The following TMEM8B variants were observed in gnomAD, a reference collection of about 807,000 sequenced individuals.
TMEM8B encodes nasopharyngeal carcinoma expressed 6.
In TMEM8B, 29 loss-of-function variants were observed where a neutral mutation model predicts 49.3. That is an observed-to-expected ratio of 0.59 (90% CI 0.44 to 0.80). The LOEUF is 0.80. Among genes scored for constraint, TMEM8B ranks in the 30% least tolerant of loss-of-function variants. The probability of loss-of-function intolerance (pLI) is 0.00; values close to 1 mark genes in which losing one functional copy is unlikely to be tolerated. For missense variants in TMEM8B, 575 were observed against 658.5 expected (o/e 0.87, Z 1.39); for synonymous variants, 264 against 272.8 (o/e 0.97, Z 0.32).
chr9:35,845,875 G>C (rs761270912), intron 6 of TMEM8B, 100 bp from the exon 7 acceptor site: 15 of 1,601,622 alleles, frequency 9.4e-6, no homozygotes, highest in Non-Finnish European at 1.3e-5. Context: ...GGAATGGGCT[G>C]TCCTTGGAAG....
At position 35,852,701 on chromosome 9, in the gene TMEM8B, C is replaced by T. The variant is rs972396469; in HGVS notation, c.2176-126C>T. The T allele has an allele frequency of 1.6e-5, 18 of 1,117,908 alleles. No individual in the cohort carries two copies. The African/African-American group carries it at 2.5e-4, about 15-fold the overall frequency. 69.2% of individuals were successfully genotyped at this position (1,117,908 alleles called of 1,614,324 possible). On this transcript the variant is annotated intron_variant, in intron 10 of 12. Coordinates refer to ENST00000643932, the MANE Select transcript of TMEM8B (RefSeq NM_001042590.4). ...GGGAGTCAGGCATTTCCCAGATCTT[C>T]TCATCTGTGACCTTTCACCTCTGCT...
intron 1 of TMEM8B, among the ~76,000 whole-genome samples, chr9:35,830,261 C>T (rs535576484): frequency 7.9e-5 from 12 of 152,258 alleles, no homozygotes; most frequent in African/African-American, 2.9e-4. Flanking sequence ...GGCTTTGCTC[C>T]TGCTCACAAA....
intron 10 of TMEM8B, 70 bp from the exon 11 acceptor site, chr9:35,852,757 C>T (rs555657099): frequency 1.3e-5 from 21 of 1,593,030 alleles, no homozygotes; most frequent in African/African-American, 4.0e-5. Context: ...CCCCTGGGCC[C>T]ACCCCTCCGG....
At chr9:35,847,718 G>A (rs961852846) in intron 10 of TMEM8B, among the ~76,000 whole-genome samples, 3 of 152,162 alleles carry the variant, frequency 2.0e-5, no homozygotes, top group African/African-American at 7.2e-5. Flanking sequence ...TTTTGATGAA[G>A]ATTAATATAG....
rs150304334 is a variant in TMEM8B, at chr9:35,851,384, A to T, written c.2176-1443A>T. Reference sequence around the variant, plus strand: ...GGTCTTTAACTCCTGGGCTCAAGTGATCTGCCCACCTCATCCTCCCAAAGT... The same window carrying T: ...GGTCTTTAACTCCTGGGCTCAAGTGTTCTGCCCACCTCATCCTCCCAAAGT... On this transcript the variant is annotated intron_variant, in intron 10 of 12. Coordinates refer to ENST00000643932, the MANE Select transcript of TMEM8B (RefSeq NM_001042590.4). 7.2e-3 allele frequency among the ~76,000 whole-genome samples: 1,095 copies of T among 152,286 alleles called. 12 individuals are homozygous for T. The highest frequency in any genetic ancestry group is 0.025 in the African/African-American group (1,026 of 41,564).
rs1206224778 is a variant in TMEM8B, at chr9:35,855,943, A to T, written c.*2103A>T. Reference sequence around the variant, plus strand: ...CATCAGAAATACCACATTAAGACGTATAGAGCCAGGTCACTGGGATGCTTG... The same window carrying T: ...CATCAGAAATACCACATTAAGACGTTTAGAGCCAGGTCACTGGGATGCTTG... On this transcript the variant is annotated 3_prime_UTR_variant, in exon 13 of 13. Transcript: ENST00000643932. The T allele has an allele frequency of 3.9e-5, 6 of 152,354 alleles. No homozygotes were observed. In the South Asian group the frequency reaches 1.2e-3, roughly 32 times the overall value. The allele number at this position is 152,354 out of a possible 1,614,324, so 9.4% of individuals were successfully genotyped here. A position where few individuals can be genotyped will look rare whatever the true frequency, so the allele number is the denominator to read the frequency against.
At chr9:35,845,863 G>T in intron 6 of TMEM8B, 112 bp from the exon 7 acceptor site, 1 of 1,589,792 alleles carries the variant, frequency 6.3e-7, no homozygotes, top group Non-Finnish European at 8.6e-7. Context: ...AGAGCGCCGG[G>T]AGGAATGGGC....
intron 3 of TMEM8B, among the ~76,000 whole-genome samples, chr9:35,838,141 T>C (rs1830618454): frequency 6.6e-6 from 1 of 152,198 alleles, no homozygotes; most frequent in Non-Finnish European, 1.5e-5. Context: ...CAGCTGCTTT[T>C]CCTCCTCCTA....
rs1417049504 is a variant in TMEM8B, at chr9:35,860,123, G to A, written c.*6283G>A. ...TTTAGTTTCACCATCTGTATAATGAGGGAGTTGGACTTCAGATCTGCAATC... is the reference window on the plus strand; with the variant it reads ...TTTAGTTTCACCATCTGTATAATGAAGGAGTTGGACTTCAGATCTGCAATC... On this transcript the variant is annotated 3_prime_UTR_variant, in exon 13 of 13. Transcript: ENST00000643932. 6.6e-6 allele frequency: 1 copy of A among 152,210 alleles called. No homozygotes were observed. Among genetic ancestry groups the A allele is most frequent in the Non-Finnish European group, 1.5e-5 (1 of 68,050 alleles). 9.4% of individuals were successfully genotyped at this position (152,210 alleles called of 1,614,324 possible).
Position 35,850,824 on chromosome 9 carries a change from T to A in TMEM8B, c.2176-2003T>A, listed in dbSNP as rs535407503. The stretch of plus-strand genomic sequence containing the variant: ...CTTCTGGGTATTTCTTTCTATATAC[T>A]TGAAAGTGAAGCATATGGAGCCAGT... On this transcript the variant is annotated intron_variant, in intron 10 of 12. Coordinates refer to ENST00000643932, the MANE Select transcript of TMEM8B (RefSeq NM_001042590.4). Among the ~76,000 whole-genome samples, 4 of 152,366 alleles carry A rather than the reference T, an allele frequency of 2.6e-5. No homozygotes were observed. The East Asian group carries it at 5.8e-4, about 22-fold the overall frequency.
intron 10 of TMEM8B, among the ~76,000 whole-genome samples, chr9:35,848,115 G>T (rs1831785438): frequency 6.6e-6 from 1 of 152,196 alleles, no homozygotes; most frequent in South Asian, 2.1e-4. Flanking sequence ...TCATCTGGGA[G>T]AAAGCAGGGG....
At chr9:35,844,751 A>C (rs1201670363) in intron 6 of TMEM8B, among the ~76,000 whole-genome samples, 2 of 152,234 alleles carry the variant, frequency 1.3e-5, no homozygotes, top group African/African-American at 4.8e-5. Flanking sequence ...TGAGAATAGA[A>C]GCCTAGCCCT....
rs1367712579 is a variant in TMEM8B, at chr9:35,829,259, G to A, written c.-189G>A. On this transcript the variant is annotated 5_prime_UTR_variant, in exon 1 of 13. Transcript: ENST00000643932. ...ACGTCAAGTCGAGGCCGCCGCCGCGGGGCCTGGTTATCGCCGGTTCAGCGC... is the reference window on the plus strand; with the variant it reads ...ACGTCAAGTCGAGGCCGCCGCCGCGAGGCCTGGTTATCGCCGGTTCAGCGC... 8.5e-6 allele frequency: 3 copies of A among 354,958 alleles called. No individual in the cohort carries two copies. Among genetic ancestry groups the A allele is most frequent in the Non-Finnish European group, 1.5e-5 (3 of 197,190 alleles). The allele number at this position is 354,958 out of a possible 1,614,324, so 22.0% of individuals were successfully genotyped here. A position where few individuals can be genotyped will look rare whatever the true frequency, so the allele number is the denominator to read the frequency against.
intron 6 of TMEM8B, 178 bp from the exon 7 acceptor site, chr9:35,845,794 CTGT>C (rs2132334549): frequency 1.0e-6 from 1 of 985,358 alleles, no homozygotes; most frequent in East Asian, 1.1e-4. Context: ...TGTGGAGGAT[CTGT>C]TGTTTTTCAG....
In TMEM8B at chr9:35,853,484, C is replaced by T. The variant is rs751934206; in HGVS notation, c.2440-21C>T. The stretch of plus-strand genomic sequence containing the variant: ...TTCCAGGGCTTGGCATTCCTGAGCC[C>T]CACTTCTCTGTCTCCCCCAGACAGT... On this transcript the variant is annotated intron_variant, in intron 12 of 12. Coordinates refer to ENST00000643932, the MANE Select transcript of TMEM8B (RefSeq NM_001042590.4). This position sits in a 1 kb window ranked among gnomAD's most constrained non-coding sequence, Gnocchi z 4.2. 33 of 1,598,694 alleles carry T rather than the reference C, an allele frequency of 2.1e-5. No homozygotes were observed. Among genetic ancestry groups the T allele is most frequent in the Admixed American group, 3.4e-5 (2 of 59,294 alleles).
Position 35,855,221 on chromosome 9 carries a change from G to T in TMEM8B, c.*1381G>T, listed in dbSNP as rs12345598. The T allele has an allele frequency of 0.16, 24,604 of 152,216 alleles. 2,402 individuals are homozygous for T. The highest frequency in any genetic ancestry group is 0.37 in the East Asian group (1,926 of 5,170). The allele number at this position is 152,216 out of a possible 1,614,324, so 9.4% of individuals were successfully genotyped here. A position where few individuals can be genotyped will look rare whatever the true frequency, so the allele number is the denominator to read the frequency against. On this transcript the variant is annotated 3_prime_UTR_variant, in exon 13 of 13. Coordinates refer to ENST00000643932, the MANE Select transcript of TMEM8B (RefSeq NM_001042590.4). ...CTGGGTTTTGACAGACAAGGCATGA[G>T]TTGCTGCATCTGTTAAAACTGCAAA...
intron 3 of TMEM8B, among the ~76,000 whole-genome samples, chr9:35,836,079 G>C (rs1393417740): frequency 6.6e-6 from 1 of 152,192 alleles, no homozygotes; most frequent in East Asian, 1.9e-4. Flanking sequence ...ATTTAAAGAA[G>C]AGGACTCTTA....
chr9:35,855,523 A>T lies in TMEM8B; in HGVS notation c.*1683A>T, dbSNP rs1215208188. ...ATTCTCCTGTCTCAGCCTCCCGAGT[A>T]GCTGGGATTAGAGGTGTGCACCACC... On this transcript the variant is annotated 3_prime_UTR_variant, in exon 13 of 13. Transcript: ENST00000643932. 1 of 152,078 alleles carries T rather than the reference A, an allele frequency of 6.6e-6. No homozygotes were observed. The highest frequency in any genetic ancestry group is 1.5e-5 in the Non-Finnish European group (1 of 68,110). 9.4% of individuals were successfully genotyped at this position (152,078 alleles called of 1,614,324 possible). A position where few individuals can be genotyped will look rare whatever the true frequency, so the allele number is the denominator to read the frequency against.
Position 35,834,598 on chromosome 9 carries a change from A to G in TMEM8B, c.646A>G (p.Lys216Glu). 4.8e-6 allele frequency: 2 copies of G among 415,972 alleles called. No individual in the cohort carries two copies. The highest frequency in any genetic ancestry group is 8.8e-6 in the Non-Finnish European group (2 of 226,456). The allele number at this position is 415,972 out of a possible 1,614,324, so 25.8% of individuals were successfully genotyped here. ...GGCTGTTTGGAACCTCATCATCTTC[A>G]AGGAGCAAGGGGGAACTTTTGGGGA... The part of the protein sequence containing the change: ...FLAVWNLIIF[K>E]EQGGTFGDHC... Residue 216 changes from lysine (K) to glutamate (E), a missense_variant, in exon 2 of 13, where the codon AAG becomes GAG. By Grantham distance (56) the Lys-to-Glu change is moderately conservative. Coordinates refer to ENST00000643932, the MANE Select transcript of TMEM8B (RefSeq NM_001042590.4).
Sources: gnomAD v4.1 joint callset for allele counts (sites outside exome capture counted in the v4.1 genomes callset) on GRCh38, gnomAD v4.1.1 for gene constraint, Gnocchi (gnomAD v3.1) non-coding constraint, MANE v1.5 for transcripts, NCBI Gene and HGNC (gene_info 2026-07-23, HGNC 2026-07-21) for gene names.